The following TRIM5 variants were observed in gnomAD, a reference collection of about 807,000 sequenced individuals.
TRIM5 encodes tripartite motif-containing protein 5.
A neutral mutation model predicts 35.6 loss-of-function variants in TRIM5; 31 were observed. That is an observed-to-expected ratio of 0.87 (90% CI 0.65 to 1.18). The LOEUF is 1.18. Among genes scored for constraint, TRIM5 ranks in the 50% most tolerant of loss-of-function variants. The pLI is 0.00. For missense variants in TRIM5, 609 were observed against 591.6 expected (o/e 1.03, Z -0.31); for synonymous variants, 243 against 215.6 (o/e 1.13, Z -1.11).
At position 5,678,241 on chromosome 11, in the gene TRIM5, T is replaced by C. The variant is rs140335983; in HGVS notation, c.707A>G (p.Glu236Gly). 206 of 1,613,922 alleles carry C rather than the reference T, an allele frequency of 1.3e-4. No homozygotes were observed. Among genetic ancestry groups the C allele is most frequent in the Non-Finnish European group, 1.7e-4 (198 of 1,179,814 alleles). Reference sequence around the variant, plus strand: ...CATCACTGACCCCTGCAGCCGATGCTCCAGATCTGAGATGAGCTCTCTCAG... The same window carrying C: ...CATCACTGACCCCTGCAGCCGATGCCCCAGATCTGAGATGAGCTCTCTCAG... ...QSLRELISDLEHRLQGSVMEL... is the reference protein window; with the variant it reads ...QSLRELISDLGHRLQGSVMEL... Residue 236 changes from glutamate to glycine, a missense_variant, in exon 4 of 8, where the codon GAG (glutamate) becomes GGG (glycine). Transcript: ENST00000380034.
At chr11:5,673,455 G>A (rs1380616431) in intron 4 of TRIM5, among the ~76,000 whole-genome samples, 1 of 151,966 alleles carries the variant, frequency 6.6e-6, no homozygotes, top group Non-Finnish European at 1.5e-5. Flanking sequence ...TTAAGAAAAG[G>A]AAAACTGACA....
chr11:5,656,548 T>G, the TRIM5 span, among the ~76,000 whole-genome samples: 2 of 152,078 alleles, frequency 1.3e-5, no homozygotes, highest in Non-Finnish European at 2.9e-5. Context: ...GAGATGGAGT[T>G]TCTCCATGTT....
At chr11:5,669,958 G>A (rs1851449916) in intron 4 of TRIM5, 1 of 172,322 alleles carries the variant, frequency 5.8e-6, no homozygotes, top group African/African-American at 2.4e-5. Context: ...CTGGGCAACA[G>A]AGCGAGACTT....
At chr11:5,605,270 C>T in the TRIM5 span, 133,223 of 1,606,926 alleles carry the variant, frequency 0.083, 5,920 homozygotes, top group South Asian at 0.11. Flanking sequence ...CCAACTTCCC[C>T]GCTTTTAATA....
the TRIM5 span, chr11:5,588,781 GA>G: frequency 1.9e-4 from 3 of 15,436 alleles, no homozygotes; most frequent in South Asian, 7.7e-4. Flanking sequence ...CCTGCCCACA[GA>G]TTTTTTTTTT....
chr11:5,646,845 A>G, the TRIM5 span, among the ~76,000 whole-genome samples: 1 of 152,184 alleles, frequency 6.6e-6, no homozygotes, highest in Non-Finnish European at 1.5e-5. Flanking sequence ...TTAACCTCTC[A>G]GAAGCACAGT....
At chr11:5,611,644 G>C in the TRIM5 span, 4 of 281,038 alleles carry the variant, frequency 1.4e-5, no homozygotes, top group African/African-American at 8.8e-5. Flanking sequence ...ATAGAGATAG[G>C]GTTTCACCGT....
At chr11:5,670,964 C>T (rs564597032) in intron 4 of TRIM5, among the ~76,000 whole-genome samples, 1 of 152,198 alleles carries the variant, frequency 6.6e-6, no homozygotes, top group Admixed American at 6.6e-5. Context: ...TATGTTTTGG[C>T]CAGCTGCAGT....
At chr11:5,602,748 G>A in the TRIM5 span, among the ~76,000 whole-genome samples, 19 of 151,752 alleles carry the variant, frequency 1.3e-4, no homozygotes, top group African/African-American at 4.6e-4. Context: ...AAGGTCAGGA[G>A]TTCAAGACCA....
chr11:5,664,839 G>T lies in TRIM5; in HGVS notation c.1452C>A (p.Val484=). 1 of 1,607,862 alleles carries T rather than the reference G, an allele frequency of 6.2e-7. No homozygotes were observed. The highest frequency in any genetic ancestry group is 8.5e-7 in the Non-Finnish European group (1 of 1,177,032). ...FPYLNPRKCG[V]PMTLCSPSS ...AGCTTGGTGAGCACAGAGTCATGGG[G>T]ACTCCACATTTTCTAGGATTTAAAT... Residue 484 remains valine, a synonymous_variant, in exon 8 of 8, where the codon GTC becomes GTA. Coordinates refer to ENST00000380034, the MANE Select transcript of TRIM5 (RefSeq NM_033034.3).
chr11:5,625,922 CAGAAG>C, the TRIM5 span, among the ~76,000 whole-genome samples: 7 of 152,234 alleles, frequency 4.6e-5, no homozygotes, highest in African/African-American at 1.4e-4. Context: ...ATTGTGGGCT[CAGAAG>C]GAGCCCACGG....
At chr11:5,680,481 TC>T (rs1233124768) in intron 1 of TRIM5, among the ~76,000 whole-genome samples, 3 of 152,228 alleles carry the variant, frequency 2.0e-5, no homozygotes, top group Non-Finnish European at 4.4e-5. Context: ...TTATCATTTT[TC>T]TTTACTTTCA....
the TRIM5 span, among the ~76,000 whole-genome samples, chr11:5,595,510 TTA>T: frequency 3.9e-5 from 6 of 152,162 alleles, no homozygotes. Flanking sequence ...TCGTATAACT[TTA>T]TATGTTTATT....
At chr11:5,675,989 A>T (rs2134092177) in intron 4 of TRIM5, among the ~76,000 whole-genome samples, 1 of 130,390 alleles carries the variant, frequency 7.7e-6, no homozygotes, top group East Asian at 2.1e-4. Flanking sequence ...ACTGAGAATG[A>T]TGATTTCCAA....
At chr11:5,683,246 C>T (rs2343228) in intron 1 of TRIM5, among the ~76,000 whole-genome samples, 1,631 of 152,356 alleles carry the variant, frequency 0.011, 7 homozygotes, top group Non-Finnish European at 0.016. Context: ...CCCTGCTCCA[C>T]GGCGCCCAGT....
At chr11:5,635,270 T>G in the TRIM5 span, among the ~76,000 whole-genome samples, 3 of 151,422 alleles carry the variant, frequency 2.0e-5, no homozygotes, top group African/African-American at 7.3e-5. Flanking sequence ...TTTTTTTTTT[T>G]TTTGAGACGG....
At chr11:5,642,872 G>A in the TRIM5 span, 1 of 1,613,298 alleles carries the variant, frequency 6.2e-7, no homozygotes, top group Non-Finnish European at 8.5e-7. Flanking sequence ...TTAAATAACT[G>A]TTTTCCAATT....
chr11:5,596,797 C>T, the TRIM5 span: 2 of 1,591,328 alleles, frequency 1.3e-6, no homozygotes, highest in Non-Finnish European at 1.7e-6. Flanking sequence ...TGAGCGCGCT[C>T]TGTTCCTTAA....
the TRIM5 span, among the ~76,000 whole-genome samples, chr11:5,627,111 C>T: frequency 6.6e-6 from 1 of 151,962 alleles, no homozygotes; most frequent in Non-Finnish European, 1.5e-5. Flanking sequence ...GGCACAGTAG[C>T]TCACACCTGT....
Sources: allele counts gnomAD v4.1 joint callset (sites outside exome capture counted in the v4.1 genomes callset), GRCh38; gene constraint gnomAD v4.1.1; transcripts MANE v1.5; gene names NCBI Gene and HGNC (gene_info 2026-07-23, HGNC 2026-07-21).